Variants in ZNF736 observed in about 807,000 individuals in gnomAD.
ZNF736 encodes KRAB-containing zinc-finger repressor protein.
Under a neutral mutation model 11.7 loss-of-function variants are expected in ZNF736, and 6 were observed. The ratio of observed to expected loss-of-function variants is 0.51; its 90% confidence interval spans 0.28 to 1.01. The LOEUF (loss-of-function observed/expected upper bound fraction) is 1.01, where lower values mean the gene tolerates loss of function less well. Among genes scored for constraint, ZNF736 ranks in the 50% least tolerant of loss-of-function variants. ZNF736 has a pLI of 0.09. For missense variants in ZNF736, 444 were observed against 496.0 expected, an observed-to-expected ratio of 0.90 and a Z score of 1.00; for synonymous variants, 139 against 164.7, an observed-to-expected ratio of 0.84 and a Z score of 1.19.
chr7:64,318,067 A>G (rs1470615086), intron 1 of ZNF736, among the ~76,000 whole-genome samples: 1 of 151,994 alleles, frequency 6.6e-6, no homozygotes, highest in Non-Finnish European at 1.5e-5. Flanking sequence ...CCTGAGAAGT[A>G]AGCAATTTTA....
intron 1 of ZNF736, among the ~76,000 whole-genome samples, chr7:64,330,447 G>T (rs779448793): frequency 6.6e-6 from 1 of 151,924 alleles, no homozygotes; most frequent in East Asian, 1.9e-4. Context: ...CTGAGCCACC[G>T]TGCCCGGCTG....
At chr7:64,316,079 T>A (rs1584262899) in intron 1 of ZNF736, among the ~76,000 whole-genome samples, 1 of 152,184 alleles carries the variant, frequency 6.6e-6, no homozygotes, top group East Asian at 1.9e-4. Flanking sequence ...TCCTGTGTTT[T>A]CCTGGTCCAA....
chr7:64,342,226 T>G (rs1789346885), intron 3 of ZNF736, among the ~76,000 whole-genome samples: 1 of 152,086 alleles, frequency 6.6e-6, no homozygotes, highest in South Asian at 2.1e-4. Context: ...GTAGGGAGAT[T>G]TGGTTAAGAG....
chr7:64,343,680 A>G (rs959237669), intron 3 of ZNF736, among the ~76,000 whole-genome samples: 1 of 152,056 alleles, frequency 6.6e-6, no homozygotes, highest in Non-Finnish European at 1.5e-5. Flanking sequence ...TTGATTCAAT[A>G]TTTTTTGGTT....
At chr7:64,315,116 CTT>C (rs1433781302) in intron 1 of ZNF736, among the ~76,000 whole-genome samples, 1 of 152,132 alleles carries the variant, frequency 6.6e-6, no homozygotes. Flanking sequence ...CTTGCTTCAC[CTT>C]CATCCATGAT....
At chr7:64,330,202 G>C (rs1789142808) in intron 1 of ZNF736, among the ~76,000 whole-genome samples, 1 of 152,048 alleles carries the variant, frequency 6.6e-6, no homozygotes, top group South Asian at 2.1e-4. Flanking sequence ...TGTAGCCCAG[G>C]CTGGAGTGCA....
rs1789520482 is a variant in ZNF736 at position 64,353,720 on chromosome 7, CGTAA to C, written c.*4576_*4579del. The C allele has an allele frequency of 6.6e-6, 1 of 151,802 alleles. No homozygotes were observed. The highest frequency in any genetic ancestry group is 1.5e-5 in the Non-Finnish European group (1 of 67,988). The allele number at this position is 151,802 out of a possible 1,614,324, so 9.4% of individuals were successfully genotyped here. ...GCCACTTATTAGTTTACAGCAGTAT[CGTAA>C]GTGACAGGATGATAGGAGTGTGGTA... is the stretch of plus-strand genomic sequence containing the variant. On this transcript the variant is annotated 3_prime_UTR_variant, in exon 4 of 4. Coordinates refer to ENST00000423484, the MANE Select transcript of ZNF736 (RefSeq NM_001170905.3).
chr7:64,326,456 C>G (rs1480049818), intron 1 of ZNF736, among the ~76,000 whole-genome samples: 1 of 152,238 alleles, frequency 6.6e-6, no homozygotes, highest in Admixed American at 6.5e-5. Context: ...CCATGGGACC[C>G]TGAATCCCAA....
At position 64,338,182 on chromosome 7, in the gene ZNF736, G is replaced by A. The variant is rs189793710; in HGVS notation, c.226+1200G>A. ...TATATATATAAACACATTTATATAC[G>A]CATGTGTATGACACACATATAATCC... On this transcript the variant is annotated intron_variant, in intron 3 of 3. Transcript: ENST00000423484. Among the ~76,000 whole-genome samples, 53 of 152,074 alleles carry A rather than the reference G, an allele frequency of 3.5e-4. No individual in the cohort carries two copies. The East Asian group carries it at 9.3e-3, about 27-fold the overall frequency.
chr7:64,349,325 C>T lies in ZNF736; in HGVS notation c.*178C>T. 1 of 481,346 alleles carries T rather than the reference C, an allele frequency of 2.1e-6. No homozygotes were observed. The allele number at this position is 481,346 out of a possible 1,614,324, so 29.8% of individuals were successfully genotyped here. A position where few individuals can be genotyped will look rare whatever the true frequency, so the allele number is the denominator to read the frequency against. On this transcript the variant is annotated 3_prime_UTR_variant, in exon 4 of 4. Coordinates refer to ENST00000423484, the MANE Select transcript of ZNF736 (RefSeq NM_001170905.3). ...TGTTGGGTACATATATAGCCCTTTG[C>T]TATTATGTAATGCCCTTTTTTTTTA... is the stretch of plus-strand genomic sequence containing the variant.
At position 64,314,032 on chromosome 7, in the gene ZNF736, G is replaced by A; in HGVS notation, c.-119G>A. On this transcript the variant is annotated 5_prime_UTR_variant, in exon 1 of 4. Coordinates refer to ENST00000423484, the MANE Select transcript of ZNF736 (RefSeq NM_001170905.3). Reference sequence around the variant, plus strand: ...TCTGATCCTAGTTCGCGTCTCCACTGTTCCATCTCCTCCGTTCCTGGAGTT... The same window carrying A: ...TCTGATCCTAGTTCGCGTCTCCACTATTCCATCTCCTCCGTTCCTGGAGTT... The A allele has an allele frequency of 7.1e-7, 1 of 1,418,088 alleles. No individual in the cohort carries two copies. 87.8% of individuals were successfully genotyped at this position (1,418,088 alleles called of 1,614,324 possible).
chr7:64,319,361 A>G (rs1370369092), intron 1 of ZNF736, among the ~76,000 whole-genome samples: 1,316 of 122,454 alleles, frequency 0.011, 91 homozygotes, highest in Non-Finnish European at 0.017. Context: ...ATATATATAT[A>G]TATATATATA....
rs1789520287 is a variant in ZNF736, at chr7:64,353,715, A to G, written c.*4568A>G. 6.8e-6 allele frequency: 1 copy of G among 146,474 alleles called. No homozygotes were observed. The highest frequency in any genetic ancestry group is 1.5e-5 in the Non-Finnish European group (1 of 66,162). 9.1% of individuals were successfully genotyped at this position (146,474 alleles called of 1,614,324 possible). A position where few individuals can be genotyped will look rare whatever the true frequency, so the allele number is the denominator to read the frequency against. On this transcript the variant is annotated 3_prime_UTR_variant, in exon 4 of 4. Transcript: ENST00000423484. ...GAAAGGCCACTTATTAGTTTACAGC[A>G]GTATCGTAAGTGACAGGATGATAGG... is the stretch of plus-strand genomic sequence containing the variant.
intron 1 of ZNF736, among the ~76,000 whole-genome samples, chr7:64,314,519 C>A (rs1159214895): frequency 1.3e-5 from 2 of 152,066 alleles, no homozygotes; most frequent in Non-Finnish European, 2.9e-5. Context: ...AGCAGTGGGC[C>A]GTGGGGTCCC....
chr7:64,345,931 T>A (rs1191353338), intron 3 of ZNF736, among the ~76,000 whole-genome samples: 1 of 152,186 alleles, frequency 6.6e-6, no homozygotes, highest in South Asian at 2.1e-4. Flanking sequence ...TCATGAGCTA[T>A]TGAAAAGAAT....
chr7:64,336,564 C>G (rs1309236537), intron 2 of ZNF736, among the ~76,000 whole-genome samples, 179 bp downstream of exon 2: 1 of 152,074 alleles, frequency 6.6e-6, no homozygotes, highest in Admixed American at 6.6e-5. Flanking sequence ...TAACATTAAT[C>G]TTTCCCTTTT....
chr7:64,354,046 G>T lies in ZNF736; in HGVS notation c.*4899G>T, dbSNP rs1789524234. 1 of 152,110 alleles carries T rather than the reference G, an allele frequency of 6.6e-6. No individual in the cohort carries two copies. The highest frequency in any genetic ancestry group is 1.5e-5 in the Non-Finnish European group (1 of 67,996). 9.4% of individuals were successfully genotyped at this position (152,110 alleles called of 1,614,324 possible). A position where few individuals can be genotyped will look rare whatever the true frequency, so the allele number is the denominator to read the frequency against. On this transcript the variant is annotated 3_prime_UTR_variant, in exon 4 of 4. Transcript: ENST00000423484. ...GACTAACATCTCTAGTGATCCCTTT[G>T]TCAGTGGTCTTTAACTTAAAATAAT...
chr7:64,324,482 T>TAAGAGGGC (rs1264493918), intron 1 of ZNF736, among the ~76,000 whole-genome samples: 2 of 152,114 alleles, frequency 1.3e-5, no homozygotes, highest in African/African-American at 2.4e-5. Context: ...GGAAGTGAGT[T>TAAGAGGGC]AAGAGGGCAG....
In ZNF736 at chr7:64,343,356, T is replaced by A. The variant is rs560964491; in HGVS notation, c.227-4734T>A. Among the ~76,000 whole-genome samples the A allele has an allele frequency of 1.4e-4, 21 of 152,242 alleles. No homozygotes were observed. In the East Asian group the frequency reaches 3.1e-3, roughly 22 times the overall value. The stretch of plus-strand genomic sequence containing the variant: ...TTCTTACTTACAAGTGAGAGCTAAA[T>A]ATTGAGTATACAAGGATATAAAAAT... On this transcript the variant is annotated intron_variant, in intron 3 of 3. Coordinates refer to ENST00000423484, the MANE Select transcript of ZNF736 (RefSeq NM_001170905.3).
Sources: allele counts gnomAD v4.1 joint callset (sites outside exome capture counted in the v4.1 genomes callset), GRCh38; gene constraint gnomAD v4.1.1; transcripts MANE v1.5; gene names NCBI Gene and HGNC (gene_info 2026-07-23, HGNC 2026-07-21).